The following PCNX2 variants were observed in gnomAD, a reference collection of about 807,000 sequenced individuals.
PCNX2 encodes pecanex-like protein 2.
In PCNX2, 168 loss-of-function variants were observed where a neutral mutation model predicts 223.8. That is an observed-to-expected ratio of 0.75 (90% confidence interval 0.66 to 0.85). The LOEUF is 0.85. Among genes scored for constraint, PCNX2 ranks in the 40% least tolerant of loss-of-function variants. The pLI is 0.00. For synonymous variants in PCNX2, 1,006 were observed against 1,052.6 expected (o/e 0.96, Z 0.86); for missense variants, 2,507 against 2,675.5 (o/e 0.94, Z 1.39).
At chr1:233,129,299 C>T (rs112811455) in intron 21 of PCNX2, among the ~76,000 whole-genome samples, 2,191 of 150,976 alleles carry the variant, frequency 0.015, 32 homozygotes, top group Non-Finnish European at 0.018. Context: ...GCCAGCCCAC[C>T]GGTGCTGCCC....
intron 13 of PCNX2, among the ~76,000 whole-genome samples, chr1:233,207,018 A>AAAGAAGAAG (rs58751327): frequency 1.3e-5 from 2 of 150,482 alleles, no homozygotes; most frequent in African/African-American, 4.9e-5. Flanking sequence ...CAAAAAAAAA[A>AAAGAAGAAG]AAGAAGAAGA....
At chr1:233,308,426 T>C in the PCNX2 span, among the ~76,000 whole-genome samples, 1 of 151,072 alleles carries the variant, frequency 6.6e-6, no homozygotes, top group Non-Finnish European at 1.5e-5. Flanking sequence ...GCCACTGCAC[T>C]CCAGCCTGGG....
chr1:233,287,003 T>C (rs1242830525), intron 1 of PCNX2, among the ~76,000 whole-genome samples: 2 of 152,224 alleles, frequency 1.3e-5, no homozygotes, highest in Non-Finnish European at 2.9e-5. Flanking sequence ...ATAAAATTTG[T>C]ATAAGCTGTG....
intron 13 of PCNX2, among the ~76,000 whole-genome samples, chr1:233,202,816 A>T (rs1681200640): frequency 6.6e-6 from 1 of 152,178 alleles, no homozygotes; most frequent in South Asian, 2.1e-4. Flanking sequence ...AAGCAAAAAC[A>T]AAAAAACACA....
At chr1:233,174,357 C>A (rs1403137889) in intron 17 of PCNX2, among the ~76,000 whole-genome samples, 1 of 146,378 alleles carries the variant, frequency 6.8e-6, no homozygotes, top group African/African-American at 2.5e-5. Flanking sequence ...TGTAAGGCTG[C>A]AAAGAGAAAA....
At chr1:233,158,360 T>G (rs966746666) in intron 19 of PCNX2, among the ~76,000 whole-genome samples, 1 of 151,978 alleles carries the variant, frequency 6.6e-6, no homozygotes. Flanking sequence ...AACAGGGGCA[T>G]AGGCATAGTT....
chr1:233,213,484 C>T (rs555726584), intron 12 of PCNX2, among the ~76,000 whole-genome samples: 8 of 152,028 alleles, frequency 5.3e-5, no homozygotes, highest in South Asian at 4.1e-4. Context: ...GTTAATACAG[C>T]GAAACTGGGA....
intron 1 of PCNX2, chr1:233,293,924 G>A: frequency 2.1e-6 from 2 of 974,574 alleles, no homozygotes; most frequent in Non-Finnish European, 2.4e-6. Flanking sequence ...GAAACCACTG[G>A]GGCCCATAGG....
chr1:233,017,390 T>G (rs2102820800), intron 26 of PCNX2, among the ~76,000 whole-genome samples: 1 of 142,856 alleles, frequency 7.0e-6, no homozygotes, highest in East Asian at 2.2e-4. Flanking sequence ...CGATCTCGGC[T>G]CACTGCAAGC....
intron 1 of PCNX2, among the ~76,000 whole-genome samples, chr1:233,264,312 C>T (rs1379419770): frequency 6.6e-6 from 1 of 152,198 alleles, no homozygotes; most frequent in Non-Finnish European, 1.5e-5. Context: ...ATTCGCAAGA[C>T]CATTTTATCA....
At chr1:233,226,312 C>G (rs527250699) in intron 10 of PCNX2, among the ~76,000 whole-genome samples, 4 of 152,234 alleles carry the variant, frequency 2.6e-5, no homozygotes, top group Admixed American at 2.6e-4. Flanking sequence ...TCTTGTTGTG[C>G]AGGCTGGAGT....
chr1:233,290,344 A>G (rs1393101130), intron 1 of PCNX2, among the ~76,000 whole-genome samples: 1 of 152,252 alleles, frequency 6.6e-6, no homozygotes, highest in Non-Finnish European at 1.5e-5. Flanking sequence ...AAATGCATCA[A>G]GAAAATAAAG....
Position 233,035,735 on chromosome 1 carries a change from T to C in PCNX2, c.4352-10336A>G, listed in dbSNP as rs191812878. Among the ~76,000 whole-genome samples, 636 of 152,366 alleles carry C rather than the reference T, an allele frequency of 4.2e-3. 1 individual carries two copies. Among genetic ancestry groups the C allele is most frequent in the Admixed American group, 8.2e-3 (125 of 15,310 alleles). On this transcript the variant is annotated intron_variant, in intron 25 of 33. Transcript: ENST00000258229. ...TTCCTTCTGTGGTCACATAAGGTTA[T>C]TCCTGAATTGATCAGGGCTACAAAA... is the stretch of plus-strand genomic sequence containing the variant.
At chr1:233,249,575 T>C (rs1247066556) in intron 8 of PCNX2, among the ~76,000 whole-genome samples, 2 of 152,278 alleles carry the variant, frequency 1.3e-5, no homozygotes, top group South Asian at 4.1e-4. Flanking sequence ...AAGAAGTTTG[T>C]GATGTTTGGA....
rs1670025869 is a variant in PCNX2, at chr1:233,000,039, GTC to G, written c.5328+264_5328+265del. On this transcript the variant is annotated intron_variant, in intron 30 of 33. Transcript: ENST00000258229. The surrounding 1 kb of genome is among the most constrained non-coding windows in gnomAD (Gnocchi z 4.6). ...TATCCTGACTCTCACTTACATGTGT[GTC>G]TACTGGGTCTTCTTGGCAAAGTCTG... 6.6e-6 allele frequency among the ~76,000 whole-genome samples: 1 copy of G among 152,212 alleles called. No homozygotes were observed. The highest frequency in any genetic ancestry group is 6.5e-5 in the Admixed American group (1 of 15,284).
At chr1:233,208,301 C>A (rs561168616) in intron 13 of PCNX2, among the ~76,000 whole-genome samples, 10 of 152,342 alleles carry the variant, frequency 6.6e-5, no homozygotes, top group African/African-American at 2.4e-4. Context: ...GCTGCAACTT[C>A]TTGGTCATAA....
At chr1:232,998,213 G>A in intron 32 of PCNX2, 38 bp downstream of exon 32, 1 of 1,481,824 alleles carries the variant, frequency 6.7e-7, no homozygotes, top group East Asian at 2.5e-5. Flanking sequence ...GACCAAATAG[G>A]ACTTCATCGA....
intron 27 of PCNX2, among the ~76,000 whole-genome samples, chr1:233,015,471 G>A (rs7547752): frequency 0.43 from 64,714 of 151,994 alleles, 14,954 homozygotes; most frequent in African/African-American, 0.61. Flanking sequence ...GGCCGAGGCG[G>A]ACAGATCACC....
At chr1:233,293,912 G>A (rs1661919184) in intron 1 of PCNX2, 13 of 962,736 alleles carry the variant, frequency 1.4e-5, no homozygotes, top group Non-Finnish European at 1.6e-5. Flanking sequence ...TCTAGGAAAA[G>A]AGAAACCACT....
Sources: allele counts gnomAD v4.1 joint callset (sites outside exome capture counted in the v4.1 genomes callset), GRCh38; gene constraint gnomAD v4.1.1; non-coding constraint Gnocchi (gnomAD v3.1); transcripts MANE v1.5; gene names NCBI Gene and HGNC (gene_info 2026-07-23, HGNC 2026-07-21).